EIF4ENIF1: variants seen among roughly 807,000 people sequenced by gnomAD.
EIF4ENIF1 encodes eukaryotic translation initiation factor 4E nuclear import factor 1.
In EIF4ENIF1, 23 loss-of-function variants were observed where a neutral mutation model predicts 110.5. The ratio of observed to expected loss-of-function variants is 0.21; its 90% CI spans 0.15 to 0.29. The LOEUF (loss-of-function observed/expected upper bound fraction) is 0.29. Among genes scored for constraint, EIF4ENIF1 ranks in the 10% least tolerant of loss-of-function variants. EIF4ENIF1 has a pLI of 1.00. For synonymous variants in EIF4ENIF1, 440 were observed against 437.0 expected (o/e 1.01, Z -0.09); for missense variants, 1,031 against 1,221.1 (o/e 0.84, Z 2.32).
In EIF4ENIF1 at chr22:31,463,977, C is replaced by G. The variant is rs752680294; in HGVS notation, c.299-10G>C. 1 of 1,605,952 alleles carries G rather than the reference C, an allele frequency of 6.2e-7. No homozygotes were observed. Among genetic ancestry groups the G allele is most frequent in the Admixed American group, 1.7e-5 (1 of 59,556 alleles). On this transcript the variant is annotated splice_polypyrimidine_tract_variant and intron_variant, in intron 4 of 18. Coordinates refer to ENST00000330125, the MANE Select transcript of EIF4ENIF1 (RefSeq NM_019843.4). ...ACACGCTCTCGTGGATCTGGAAGGA[C>G]GTGGGAAAGACAAAGTTAAACAAAC...
intron 3 of EIF4ENIF1, among the ~76,000 whole-genome samples, chr22:31,469,032 G>C (rs1265871365): frequency 6.6e-6 from 1 of 152,186 alleles, no homozygotes; most frequent in Non-Finnish European, 1.5e-5. Context: ...TATTTTTCCA[G>C]AATTTCTATG....
rs574992212 is a variant in EIF4ENIF1 at position 31,450,150 on chromosome 22, G to C, written c.1584+139C>G. 1.3e-4 allele frequency: 90 copies of C among 694,242 alleles called. No homozygotes were observed. In the African/African-American group the frequency reaches 1.5e-3, roughly 11 times the overall value. 43.0% of individuals were successfully genotyped at this position (694,242 alleles called of 1,614,324 possible). On this transcript the variant is annotated intron_variant, in intron 11 of 18. Coordinates refer to ENST00000330125, the MANE Select transcript of EIF4ENIF1 (RefSeq NM_019843.4). ...GAGATTAAAAGCAACACCAAACTATGTCAGGCAACAATATCACCTCTCTGA... is the reference window on the plus strand; with the variant it reads ...GAGATTAAAAGCAACACCAAACTATCTCAGGCAACAATATCACCTCTCTGA...
intron 2 of EIF4ENIF1, among the ~76,000 whole-genome samples, chr22:31,484,695 G>A (rs745542579): frequency 6.6e-6 from 1 of 152,180 alleles, no homozygotes; most frequent in Admixed American, 6.5e-5. Flanking sequence ...TTAGCCGGGC[G>A]TGGTGGCGCA....
Position 31,463,870 on chromosome 22 carries a change from G to A in EIF4ENIF1, c.396C>T (p.Ser132=), listed in dbSNP as rs2051082974. ...CTAATGGACTTCCTGAGCGCCGGGAGCTAACAGCGGCTGTCACGTGGCAGC... is the reference window on the plus strand; with the variant it reads ...CTAATGGACTTCCTGAGCGCCGGGAACTAACAGCGGCTGTCACGTGGCAGC... ...GGGCHVTAAV[S]SRRSGSPLEK... is the part of the protein sequence containing the mutation. The change falls in exon 5 of 19, where the codon AGC becomes AGT. Residue 132 remains serine (S), a synonymous_variant. Coordinates refer to ENST00000330125, the MANE Select transcript of EIF4ENIF1 (RefSeq NM_019843.4). The A allele has an allele frequency of 1.2e-6, 2 of 1,614,118 alleles. No homozygotes were observed. Among genetic ancestry groups the A allele is most frequent in the Non-Finnish European group, 8.5e-7 (1 of 1,180,046 alleles).
intron 14 of EIF4ENIF1, among the ~76,000 whole-genome samples, chr22:31,446,342 T>G (rs1012890700): frequency 6.8e-6 from 1 of 147,730 alleles, no homozygotes; most frequent in Non-Finnish European, 1.5e-5. Context: ...CAATGAATAC[T>G]AGGTAACTGC....
Position 31,455,201 on chromosome 22 carries a change from G to A in EIF4ENIF1, c.1214C>T (p.Ala405Val), listed in dbSNP as rs2050777520. 6.2e-7 allele frequency: 1 copy of A among 1,613,582 alleles called. No individual in the cohort carries two copies. The highest frequency in any genetic ancestry group is 1.7e-5 in the Admixed American group (1 of 59,920). Residue 405 changes from alanine to valine, a missense_variant, in exon 9 of 19, where the codon GCC (alanine) becomes GTC (valine). By Grantham distance (64) the Ala-to-Val change is moderately conservative. Transcript: ENST00000330125. ...AAGAAGAGGTTTCAAATCCACTTTG[G>A]CTTTCTGTAGCATTTCTAAAATATC... ...KVDILEMLQK[A>V]KVDLKPLLSS...
chr22:31,438,744 G>T (rs1490467524), downstream of EIF4ENIF1, among the ~76,000 whole-genome samples: 1 of 150,000 alleles, frequency 6.7e-6, no homozygotes, highest in Admixed American at 6.6e-5. Flanking sequence ...TTTTTTTTAA[G>T]ATGGAGTCTC....
Position 31,468,270 on chromosome 22 carries a change from G to A in EIF4ENIF1, c.203C>T (p.Ala68Val). The part of the protein sequence containing the change: ...DGVWDPEKWH[A>V]SLYPASGRSS... Reference sequence around the variant, plus strand: ...CCGCCCTGAAGCTGGGTAGAGAGAGGCATGCCACTTCTCAGGGTCCCAGAC... The same window carrying A: ...CCGCCCTGAAGCTGGGTAGAGAGAGACATGCCACTTCTCAGGGTCCCAGAC... The change falls in exon 4 of 19, where the codon GCC (alanine) becomes GTC (valine). Residue 68 changes from alanine to valine, a missense_variant. Ala to Val is a moderately conservative substitution (Grantham distance 64, BLOSUM62 0). Coordinates refer to ENST00000330125, the MANE Select transcript of EIF4ENIF1 (RefSeq NM_019843.4). 1 of 1,614,152 alleles carries A rather than the reference G, an allele frequency of 6.2e-7. No individual in the cohort carries two copies. Among genetic ancestry groups the A allele is most frequent in the Non-Finnish European group, 8.5e-7 (1 of 1,180,032 alleles).
rs2050318818 is a variant in EIF4ENIF1, at chr22:31,442,061, G to A, written c.2264C>T (p.Thr755Ile). The stretch of plus-strand genomic sequence containing the variant: ...CTGTAATGCTGACAGTTTGGAATTT[G>A]TAGTGGGAGAAGAGTCTCGATCGGC... ...PSADRDSSPT[T>I]NSKLSALQRS... The change falls in exon 17 of 19, where the codon ACA (threonine) becomes ATA (isoleucine). Residue 755 changes from threonine to isoleucine, a missense_variant. Transcript: ENST00000330125. 6.2e-7 allele frequency: 1 copy of A among 1,614,186 alleles called. No individual in the cohort carries two copies. Among genetic ancestry groups the A allele is most frequent in the Non-Finnish European group, 8.5e-7 (1 of 1,180,044 alleles).
intron 7 of EIF4ENIF1, 41 bp downstream of exon 7, chr22:31,458,434 A>T: frequency 2.2e-6 from 3 of 1,348,796 alleles, no homozygotes; most frequent in Non-Finnish European, 2.9e-6. Flanking sequence ...TACTCAGGTC[A>T]AATTTAACCA....
chr22:31,470,836 A>C (rs2051350476), intron 3 of EIF4ENIF1, among the ~76,000 whole-genome samples: 1 of 151,486 alleles, frequency 6.6e-6, no homozygotes. Context: ...GCACTATAGT[A>C]CCATAGGTAC....
upstream of EIF4ENIF1, among the ~76,000 whole-genome samples, chr22:31,490,090 C>G (rs1357803815): frequency 2.6e-5 from 4 of 152,150 alleles, no homozygotes; most frequent in Admixed American, 2.0e-4. Flanking sequence ...CTCCCGTGCG[C>G]GCAGGCGGTC....
Position 31,465,254 on chromosome 22 carries a change from T to C in EIF4ENIF1, c.299-1287A>G, listed in dbSNP as rs560032319. ...AGGAGAATCGCTTAAACCTGGGAAG[T>C]GGAGGTTGCAGTGAGCTGAGACTGC... On this transcript the variant is annotated intron_variant, in intron 4 of 18. Coordinates refer to ENST00000330125, the MANE Select transcript of EIF4ENIF1 (RefSeq NM_019843.4). Among the ~76,000 whole-genome samples, 6 of 144,700 alleles carry C rather than the reference T, an allele frequency of 4.1e-5. No individual in the cohort carries two copies. In the South Asian group the frequency reaches 1.3e-3, roughly 31 times the overall value. The allele number at this position is 144,700 out of a possible 152,430, so 94.9% of individuals were successfully genotyped here.
chr22:31,438,787 A>C (rs2145878649), downstream of EIF4ENIF1, among the ~76,000 whole-genome samples: 1 of 151,650 alleles, frequency 6.6e-6, no homozygotes, highest in African/African-American at 2.4e-5. Flanking sequence ...CAGTGGCGTG[A>C]TCTCAGCTCA....
Position 31,441,771 on chromosome 22 carries a change from C to T in EIF4ENIF1, c.2551+3G>A, listed in dbSNP as rs2050305908. On this transcript the variant is annotated splice_donor_region_variant and intron_variant, in intron 17 of 18. Transcript: ENST00000330125. ...CGACACCCAAGTCAGGCTGGAAACTCACCAGTTTGGAGCAAACTTGGAAGA... is the reference window on the plus strand; with the variant it reads ...CGACACCCAAGTCAGGCTGGAAACTTACCAGTTTGGAGCAAACTTGGAAGA... The T allele has an allele frequency of 6.2e-7, 1 of 1,605,964 alleles. No homozygotes were observed. Among genetic ancestry groups the T allele is most frequent in the Non-Finnish European group, 8.5e-7 (1 of 1,174,556 alleles).
chr22:31,440,058 T>A lies in EIF4ENIF1; in HGVS notation c.2780A>T (p.Asn927Ile), dbSNP rs377098885. The part of the protein sequence containing the change: ...AAVSVQTTPQ[N>I]VPSRSGLPHM... ...GGGCAGGCCTGACCGGCTGGGCACG[T>A]TCTGAGGGGTTGTCTGAACGCTGAC... Residue 927 changes from asparagine (N) to isoleucine (I), a missense_variant, in exon 19 of 19, where the codon AAC becomes ATC. Asn to Ile is a moderately radical substitution (Grantham distance 149). Coordinates refer to ENST00000330125, the MANE Select transcript of EIF4ENIF1 (RefSeq NM_019843.4). The A allele has an allele frequency of 6.8e-6, 11 of 1,613,982 alleles. No homozygotes were observed. The highest frequency in any genetic ancestry group is 9.3e-6 in the Non-Finnish European group (11 of 1,179,960).
intron 16 of EIF4ENIF1, among the ~76,000 whole-genome samples, 159 bp from the exon 17 acceptor site, chr22:31,442,277 A>G (rs916267543): frequency 6.6e-6 from 1 of 152,246 alleles, no homozygotes; most frequent in East Asian, 1.9e-4. Flanking sequence ...TTTGCTTCAT[A>G]AACAGGACCA....
At position 31,464,635 on chromosome 22, in the gene EIF4ENIF1, C is replaced by T. The variant is rs796947224; in HGVS notation, c.299-668G>A. Among the ~76,000 whole-genome samples, 36 of 129,228 alleles carry T rather than the reference C, an allele frequency of 2.8e-4. 2 individuals carry two copies. The highest frequency in any genetic ancestry group is 2.6e-4 in the South Asian group (1 of 3,880). 84.8% of individuals were successfully genotyped at this position (129,228 alleles called of 152,430 possible). On this transcript the variant is annotated intron_variant, in intron 4 of 18. Transcript: ENST00000330125. ...GAGGTTGCAGTAGCAGAAGTCACCC[C>T]GCTACACTGTAGCCTGGGCAAAAGA...
chr22:31,464,438 G>A (rs2051102694), intron 4 of EIF4ENIF1, among the ~76,000 whole-genome samples: 1 of 151,508 alleles, frequency 6.6e-6, no homozygotes, highest in Non-Finnish European at 1.5e-5. Context: ...CCAGTACTTT[G>A]GGACGTCAAG....
Sources: gnomAD v4.1 joint callset for allele counts (sites outside exome capture counted in the v4.1 genomes callset) on GRCh38, gnomAD v4.1.1 for gene constraint, MANE v1.5 for transcripts, NCBI Gene and HGNC (gene_info 2026-07-23, HGNC 2026-07-21) for gene names.